The following CADPS2 variants were observed in gnomAD, a reference collection of about 807,000 sequenced individuals.
The protein encoded by CADPS2 is calcium dependent secretion activator 2.
A neutral mutation model predicts 172.5 loss-of-function variants in CADPS2; 93 were observed. The ratio of observed to expected loss-of-function variants is 0.54; its 90% CI spans 0.46 to 0.64. The LOEUF is 0.64. CADPS2 is among the 30% of genes least tolerant of loss of function. The pLI, the probability that CADPS2 is intolerant of heterozygous loss-of-function variation, is 0.00. For missense variants in CADPS2, 1,420 were observed against 1,565.9 expected (o/e 0.91, Z 1.57); for synonymous variants, 546 against 555.2 (o/e 0.98, Z 0.23).
chr7:122,684,604 AT>A lies in CADPS2; in HGVS notation c.454-21036del, dbSNP rs58586210. On this transcript the variant is annotated intron_variant, in intron 2 of 29. Coordinates refer to ENST00000449022, the MANE Select transcript of CADPS2 (RefSeq NM_017954.11). The stretch of plus-strand genomic sequence containing the variant: ...TTTATATTTTATAAAATATTCCACA[AT>A]GGATGAGAAATCAATAAATACCAGT... 2.9e-3 allele frequency among the ~76,000 whole-genome samples: 442 copies of A among 152,296 alleles called. 1 individual carries two copies. The highest frequency in any genetic ancestry group is 0.02 in the Middle Eastern group (6 of 294).
intron 2 of CADPS2, among the ~76,000 whole-genome samples, chr7:122,682,277 C>T (rs1010326194): frequency 8.5e-5 from 13 of 152,238 alleles, no homozygotes; most frequent in Admixed American, 2.0e-4. Context: ...AAGGGAGCAA[C>T]GGAATGGCAA....
At chr7:122,813,674 A>G (rs1002078205) in intron 1 of CADPS2, among the ~76,000 whole-genome samples, 1 of 152,130 alleles carries the variant, frequency 6.6e-6, no homozygotes, top group Non-Finnish European at 1.5e-5. Context: ...TTCATTGCAT[A>G]AAAACCGCAT....
chr7:122,379,040 T>A (rs759516244), intron 25 of CADPS2: 1 of 203,214 alleles, frequency 4.9e-6, no homozygotes, highest in Non-Finnish European at 1.0e-5. Flanking sequence ...ATTCAAGGAC[T>A]GATGACTACT....
chr7:122,877,404 G>A (rs1407194227), intron 1 of CADPS2, among the ~76,000 whole-genome samples: 1 of 152,114 alleles, frequency 6.6e-6, no homozygotes, highest in African/African-American at 2.4e-5. Context: ...CTATTCTAAA[G>A]AGTATGGTGA....
chr7:122,505,348 G>C (rs1467442575), intron 9 of CADPS2, among the ~76,000 whole-genome samples: 1 of 152,072 alleles, frequency 6.6e-6, no homozygotes, highest in East Asian at 1.9e-4. Flanking sequence ...AGCTTTAAAT[G>C]AGACAATTAT....
At chr7:122,383,486 T>C (rs556032177) in intron 24 of CADPS2, among the ~76,000 whole-genome samples, 1 of 152,234 alleles carries the variant, frequency 6.6e-6, no homozygotes, top group East Asian at 1.9e-4. Context: ...ATACTTCAAG[T>C]TGGATTGATA....
chr7:122,669,355 ATTT>A (rs34217280), intron 2 of CADPS2, among the ~76,000 whole-genome samples: 26 of 139,504 alleles, frequency 1.9e-4, no homozygotes, highest in South Asian at 1.2e-3. Context: ...ATATATATAT[ATTT>A]TTTTTTTTTG....
At chr7:122,563,281 T>C (rs2065983367) in intron 7 of CADPS2, among the ~76,000 whole-genome samples, 1 of 152,184 alleles carries the variant, frequency 6.6e-6, no homozygotes, top group Non-Finnish European at 1.5e-5. Flanking sequence ...TACATTACTT[T>C]ATCAAAACAG....
intron 17 of CADPS2, among the ~76,000 whole-genome samples, chr7:122,420,542 A>C (rs1368344653): frequency 2.0e-5 from 3 of 152,280 alleles, no homozygotes; most frequent in Non-Finnish European, 4.4e-5. Flanking sequence ...TTCTACAGTC[A>C]TAATTCTATT....
intron 2 of CADPS2, chr7:122,702,449 C>A: frequency 6.2e-7 from 1 of 1,613,792 alleles, no homozygotes; most frequent in Non-Finnish European, 8.5e-7. Flanking sequence ...GAGGGCCAGC[C>A]ATGAGTCTGC....
chr7:122,632,564 A>G (rs1563912062), intron 3 of CADPS2, among the ~76,000 whole-genome samples: 1 of 151,538 alleles, frequency 6.6e-6, no homozygotes, highest in Non-Finnish European at 1.5e-5. Context: ...ATTTTGCTTG[A>G]TTTAAGTTCC....
rs1057486127 is a variant in CADPS2, at chr7:122,416,044, T to C, written c.2580+17A>G. 2.7e-6 allele frequency: 4 copies of C among 1,466,836 alleles called. No homozygotes were observed. In the African/African-American group the frequency reaches 4.2e-5, roughly 15 times the overall value. The allele number at this position is 1,466,836 out of a possible 1,614,324, so 90.9% of individuals were successfully genotyped here. On this transcript the variant is annotated intron_variant, in intron 18 of 29. Transcript: ENST00000449022. ...CCTTACATATAGCTTTATACTACAG[T>C]GAAAACAGGTCATCACCTCTGCATG...
At position 122,873,608 on chromosome 7, in the gene CADPS2, G is replaced by A. The variant is rs184478435; in HGVS notation, c.339+12391C>T. On this transcript the variant is annotated intron_variant, in intron 1 of 29. Coordinates refer to ENST00000449022, the MANE Select transcript of CADPS2 (RefSeq NM_017954.11). ...TTGGTGGTTCCAAGTCTTTGCTATT[G>A]TAAATAGTGCTACAGTAAACGTACG... 2.6e-5 allele frequency among the ~76,000 whole-genome samples: 4 copies of A among 152,236 alleles called. 1 individual carries two copies. The East Asian group carries it at 7.7e-4, about 29-fold the overall frequency.
intron 1 of CADPS2, among the ~76,000 whole-genome samples, chr7:122,766,931 T>C (rs2093569719): frequency 1.3e-5 from 2 of 152,174 alleles, no homozygotes; most frequent in Non-Finnish European, 1.5e-5. Flanking sequence ...ATAACAATAG[T>C]ATCTATTTGA....
At chr7:122,879,980 ATTACT>A (rs1822439258) in intron 1 of CADPS2, among the ~76,000 whole-genome samples, 1 of 152,214 alleles carries the variant, frequency 6.6e-6, no homozygotes, top group Admixed American at 6.5e-5. Flanking sequence ...AGTCATTTTA[ATTACT>A]TTAATTACTT....
intron 1 of CADPS2, among the ~76,000 whole-genome samples, chr7:122,780,909 A>G (rs181717338): frequency 3.2e-4 from 48 of 152,284 alleles, no homozygotes; most frequent in African/African-American, 1.1e-3. Context: ...TCACTCTTAC[A>G]CATGTATTCT....
chr7:122,554,616 T>C lies in CADPS2; in HGVS notation c.1409A>G (p.Gln470Arg), dbSNP rs746952637. 1 of 1,612,216 alleles carries C rather than the reference T, an allele frequency of 6.2e-7. No individual in the cohort carries two copies. ...CAGTTTGATTTTTAAGTCAGAATCC[T>C]GGCTATTTTTTGGAACTACCATTCG... ...LHRMVVPKNS[Q>R]DSDLKIKLAV... The change falls in exon 8 of 30, where the codon CAG (glutamine) becomes CGG (arginine). Residue 470 changes from glutamine (Q) to arginine (R), a missense_variant. Gln to Arg is a conservative substitution (Grantham distance 43, BLOSUM62 1). Coordinates refer to ENST00000449022, the MANE Select transcript of CADPS2 (RefSeq NM_017954.11).
intron 29 of CADPS2, among the ~76,000 whole-genome samples, chr7:122,321,851 A>G (rs1295780078): frequency 6.6e-6 from 1 of 152,204 alleles, no homozygotes; most frequent in Non-Finnish European, 1.5e-5. Context: ...GTATTTTATT[A>G]CTACTGATTT....
intron 5 of CADPS2, among the ~76,000 whole-genome samples, chr7:122,618,902 T>C (rs951674389): frequency 1.2e-4 from 18 of 152,178 alleles, no homozygotes; most frequent in Non-Finnish European, 1.0e-4. Flanking sequence ...ACTGTGGACA[T>C]TGAGAACAGA....
Sources: gnomAD v4.1 joint callset for allele counts (sites outside exome capture counted in the v4.1 genomes callset) on GRCh38, gnomAD v4.1.1 for gene constraint, MANE v1.5 for transcripts, NCBI Gene and HGNC (gene_info 2026-07-23, HGNC 2026-07-21) for gene names.